Variants in INPP5D observed in about 807,000 individuals in gnomAD.
The protein encoded by INPP5D is inositol polyphosphate-5-phosphatase D.
In INPP5D, 33 loss-of-function variants were observed where a neutral mutation model predicts 122.9. The ratio of observed to expected loss-of-function variants is 0.27; its 90% CI spans 0.20 to 0.36. The LOEUF is 0.36. INPP5D is among the 10% of genes least tolerant of loss of function. The probability of loss-of-function intolerance (pLI) is 1.00; values close to 1 mark genes in which losing one functional copy is unlikely to be tolerated. For synonymous variants in INPP5D, 584 were observed against 576.2 expected (o/e 1.01, Z -0.19); for missense variants, 1,053 against 1,412.7 (o/e 0.75, Z 4.08).
Position 233,184,540 on chromosome 2 carries a change from A to T in INPP5D, c.2275+19A>T. On this transcript the variant is annotated intron_variant, in intron 20 of 26. Transcript: ENST00000445964. Reference sequence around the variant, plus strand: ...TTGGAGAGTAAGTGGCTGCTGAGCCACCTTCTGGGCAGAACTGCCCGGAGC... The same window carrying T: ...TTGGAGAGTAAGTGGCTGCTGAGCCTCCTTCTGGGCAGAACTGCCCGGAGC... 6.2e-7 allele frequency: 1 copy of T among 1,613,652 alleles called. No homozygotes were observed. Among genetic ancestry groups the T allele is most frequent in the African/African-American group, 1.3e-5 (1 of 75,036 alleles).
intron 5 of INPP5D, among the ~76,000 whole-genome samples, chr2:233,134,371 A>G (rs11693862): frequency 0.47 from 71,493 of 151,298 alleles, 17,313 homozygotes; most frequent in African/African-American, 0.55. Flanking sequence ...AGGAGAATAG[A>G]GCCAGGCTCA....
At chr2:233,116,248 G>GATAGATAGATAGATAGATAGATATAGAT (rs34084880) in intron 2 of INPP5D, among the ~76,000 whole-genome samples, 2,353 of 135,124 alleles carry the variant, frequency 0.017, 44 homozygotes, top group East Asian at 0.056. Flanking sequence ...TAGATAGATA[G>GATAGATAGATAGATAGATAGATATAGAT]ATAGATATAG....
At position 233,204,513 on chromosome 2, in the gene INPP5D, C is replaced by T; in HGVS notation, c.3363C>T (p.Pro1121=). The T allele has an allele frequency of 6.3e-7, 1 of 1,581,786 alleles. No homozygotes were observed. The highest frequency in any genetic ancestry group is 8.6e-7 in the Non-Finnish European group (1 of 1,165,460). The change falls in exon 26 of 27, where the codon CCC becomes CCT. Residue 1121 remains proline (P), a synonymous_variant. Coordinates refer to ENST00000445964, the MANE Select transcript of INPP5D (RefSeq NM_001017915.3). The stretch of plus-strand genomic sequence containing the variant: ...AGGCCCCGGTGCCGGCCAAGAGGCC[C>T]ATCAAGCCTTCCAGATCGGAAATCA... The part of the protein sequence containing the change: ...SSQAPVPAKR[P]IKPSRSEINQ...
At chr2:233,186,909 G>A (rs1694936956) in intron 21 of INPP5D, among the ~76,000 whole-genome samples, 1 of 151,322 alleles carries the variant, frequency 6.6e-6, no homozygotes, top group Non-Finnish European at 1.5e-5. Flanking sequence ...TTTTAGTAGA[G>A]ATGGGGTTCC....
At chr2:233,130,685 G>A (rs773695520) in intron 5 of INPP5D, 37 bp downstream of exon 5, 9 of 1,611,374 alleles carry the variant, frequency 5.6e-6, no homozygotes, top group African/African-American at 2.7e-5. Flanking sequence ...AGGTGGGGGC[G>A]GCCACCAGGT....
At chr2:233,204,039 A>G in intron 25 of INPP5D, 87 bp from the exon 26 acceptor site, 1 of 1,432,638 alleles carries the variant, frequency 7.0e-7, no homozygotes, top group Non-Finnish European at 9.2e-7. Flanking sequence ...GTATCACCCC[A>G]AAGAAAGACC....
chr2:233,156,019 A>C (rs1694043865), intron 9 of INPP5D, among the ~76,000 whole-genome samples: 1 of 152,242 alleles, frequency 6.6e-6, no homozygotes, highest in Non-Finnish European at 1.5e-5. Flanking sequence ...CATTGAAAGG[A>C]TATAGAGCAA....
intron 2 of INPP5D, among the ~76,000 whole-genome samples, chr2:233,108,417 A>C (rs1692522143): frequency 6.6e-6 from 1 of 152,246 alleles, no homozygotes; most frequent in African/African-American, 2.4e-5. Context: ...AGCTGAAGAT[A>C]TCAAACCCAC....
chr2:233,196,555 C>T (rs11674483), intron 24 of INPP5D, among the ~76,000 whole-genome samples: 57,604 of 152,022 alleles, frequency 0.38, 11,061 homozygotes, highest in African/African-American at 0.44. Flanking sequence ...AAACCCCACC[C>T]TATCCACTAG....
At chr2:233,072,200 GTCT>G (rs1182936297) in intron 1 of INPP5D, among the ~76,000 whole-genome samples, 1 of 152,298 alleles carries the variant, frequency 6.6e-6, no homozygotes, top group African/African-American at 2.4e-5. Context: ...AGAAGAAGCA[GTCT>G]TCTTCTAGTT....
intron 4 of INPP5D, among the ~76,000 whole-genome samples, chr2:233,126,165 C>T (rs1220656396): frequency 2.6e-5 from 4 of 152,246 alleles, no homozygotes; most frequent in African/African-American, 9.6e-5. Context: ...ACTCCGTCTC[C>T]AGGCACGGCC....
intron 2 of INPP5D, among the ~76,000 whole-genome samples, chr2:233,086,149 C>CTT (rs1410597373): frequency 7.0e-6 from 1 of 143,532 alleles, no homozygotes; most frequent in Non-Finnish European, 1.5e-5. Flanking sequence ...TTCTTTCTTT[C>CTT]TTTCTTTCTT....
rs1380098698 is a variant in INPP5D at position 233,094,525 on chromosome 2, A to C, written c.198+15127A>C. On this transcript the variant is annotated intron_variant, in intron 2 of 26. Transcript: ENST00000445964. ...AAGACTCCATCCCAAAAAAAAAAAA[A>C]AAAAAAAAAAAAAAAAATTCTAAAA... is the stretch of plus-strand genomic sequence containing the variant. Among the ~76,000 whole-genome samples, 53 of 150,128 alleles carry C rather than the reference A, an allele frequency of 3.5e-4. 3 individuals are homozygous for C. Among genetic ancestry groups the C allele is most frequent in the Non-Finnish European group, 3.8e-4 (26 of 67,556 alleles).
At chr2:233,169,863 T>C in intron 14 of INPP5D, 163 bp from the exon 15 acceptor site, 1 of 1,350,388 alleles carries the variant, frequency 7.4e-7, no homozygotes, top group Non-Finnish European at 1.0e-6. Context: ...GTGCCATATT[T>C]GCACACTAAG....
chr2:233,151,519 T>A (rs917498344), intron 9 of INPP5D, among the ~76,000 whole-genome samples: 5 of 151,774 alleles, frequency 3.3e-5, no homozygotes, highest in Non-Finnish European at 5.9e-5. Flanking sequence ...CCTCACAAAT[T>A]CCCTCCCCCT....
chr2:233,119,196 C>T (rs374397447), intron 2 of INPP5D, among the ~76,000 whole-genome samples: 6 of 152,206 alleles, frequency 3.9e-5, no homozygotes, highest in African/African-American at 1.4e-4. Context: ...CACTCAAACA[C>T]GCGTTCTTCA....
chr2:233,114,197 C>T (rs940759239), intron 2 of INPP5D, among the ~76,000 whole-genome samples: 8 of 152,258 alleles, frequency 5.3e-5, no homozygotes, highest in African/African-American at 9.6e-5. Context: ...TGTGAGCCAC[C>T]GCACCCAGCC....
intron 2 of INPP5D, among the ~76,000 whole-genome samples, chr2:233,089,510 T>C (rs913510358): frequency 8.5e-5 from 13 of 152,226 alleles, no homozygotes; most frequent in Admixed American, 8.5e-4. Context: ...CAAAGGCTAC[T>C]GGCCTTTGTT....
rs375832323 is a variant in INPP5D at position 233,157,432 on chromosome 2, TAA to T, written c.1031-871_1031-870del. On this transcript the variant is annotated intron_variant, in intron 9 of 26. Transcript: ENST00000445964. ...TAAACTGGGGAAGAATTAGAAACAA[TAA>T]AAAAAAAAAGTATGGCAATTACTAA... Among the ~76,000 whole-genome samples, 61 of 140,900 alleles carry T rather than the reference TAA, an allele frequency of 4.3e-4. 1 individual carries two copies. Among genetic ancestry groups the T allele is most frequent in the African/African-American group, 1.4e-3 (56 of 39,722 alleles). The allele number at this position is 140,900 out of a possible 152,430, so 92.4% of individuals were successfully genotyped here. A position where few individuals can be genotyped will look rare whatever the true frequency, so the allele number is the denominator to read the frequency against.
Sources: gnomAD v4.1 joint callset for allele counts (sites outside exome capture counted in the v4.1 genomes callset) on GRCh38, gnomAD v4.1.1 for gene constraint, MANE v1.5 for transcripts, NCBI Gene and HGNC (gene_info 2026-07-23, HGNC 2026-07-21) for gene names.